FHOD3: variants seen among roughly 807,000 people sequenced by gnomAD.
The protein encoded by FHOD3 is formin homology 2 domain containing 3, also known as FH1/FH2 domain-containing protein 3.
In FHOD3, 90 loss-of-function variants were observed where a neutral mutation model predicts 173.0. That is an observed-to-expected ratio of 0.52 (90% CI 0.44 to 0.62). FHOD3 has a LOEUF of 0.62. Among genes scored for constraint, FHOD3 ranks in the 20% least tolerant of loss-of-function variants. The pLI, the probability that FHOD3 is intolerant of heterozygous loss-of-function variation, is 0.00. For synonymous variants in FHOD3, 828 were observed against 823.0 expected, an observed-to-expected ratio of 1.01 and a Z score of -0.10; for missense variants, 1,945 against 2,034.7, an observed-to-expected ratio of 0.96 and a Z score of 0.85.
intron 1 of FHOD3, among the ~76,000 whole-genome samples, chr18:36,351,420 T>C (rs2046122992): frequency 6.6e-6 from 1 of 152,176 alleles, no homozygotes; most frequent in African/African-American, 2.4e-5. Flanking sequence ...GCAGAAGGGA[T>C]ATAACTGAGG....
rs554363494 is a variant in FHOD3, at chr18:36,481,844, G to A, written c.338-20088G>A. On this transcript the variant is annotated intron_variant, in intron 3 of 28. Coordinates refer to ENST00000590592, the MANE Select transcript of FHOD3 (RefSeq NM_001281740.3). ...AAAAAGTCTTTGCACTATTGAATCA[G>A]AGGCAGTCTTTCTGAAACTGTGACT... Among the ~76,000 whole-genome samples, 7 of 152,254 alleles carry A rather than the reference G, an allele frequency of 4.6e-5. 1 individual carries two copies. The South Asian group carries it at 1.5e-3, about 32-fold the overall frequency.
chr18:36,612,046 A>C lies in FHOD3; in HGVS notation c.908A>C (p.Asn303Thr). Residue 303 changes from asparagine (N) to threonine (T), a missense_variant, in exon 9 of 29, where the codon AAC becomes ACC. Physicochemically the swap from Asn to Thr is moderately conservative, Grantham distance 65. Around this residue, in one of 5 missense-constraint regions of FHOD3, gnomAD observed 1,099 missense variants for 1,051.2 expected, o/e 1.05. Transcript: ENST00000590592. ...GIAAVSQRHL[N>T]KKGTDLDLVE... Reference sequence around the variant, plus strand: ...GCTGCTGTGTCCCAGAGGCACTTGAACAAGAAAGGGACTGACCTGGACTTA... The same window carrying C: ...GCTGCTGTGTCCCAGAGGCACTTGACCAAGAAAGGGACTGACCTGGACTTA... 6.2e-7 allele frequency: 1 copy of C among 1,614,164 alleles called. No homozygotes were observed. Among genetic ancestry groups the C allele is most frequent in the South Asian group, 1.1e-5 (1 of 91,080 alleles).
At chr18:36,531,781 C>T (rs188103743) in intron 5 of FHOD3, among the ~76,000 whole-genome samples, 26 of 152,330 alleles carry the variant, frequency 1.7e-4, no homozygotes, top group African/African-American at 2.4e-5. Context: ...CCACGTCTTC[C>T]GCTGTCTACA....
intron 7 of FHOD3, among the ~76,000 whole-genome samples, chr18:36,599,776 G>C (rs2031072359): frequency 6.6e-6 from 1 of 151,976 alleles, no homozygotes; most frequent in African/African-American, 2.4e-5. Context: ...GGGTAAACTG[G>C]GTATCTCCAC....
intron 3 of FHOD3, among the ~76,000 whole-genome samples, chr18:36,393,828 C>T (rs747092555): frequency 6.6e-6 from 1 of 152,170 alleles, no homozygotes; most frequent in Non-Finnish European, 1.5e-5. Flanking sequence ...GGGTCCCAAA[C>T]TTCAGAAAAC....
intron 17 of FHOD3, among the ~76,000 whole-genome samples, chr18:36,699,478 A>G (rs1478880914): frequency 6.6e-6 from 1 of 152,204 alleles, no homozygotes; most frequent in African/African-American, 2.4e-5. Flanking sequence ...AGGAGGCTCC[A>G]CATGTCAGGA....
intron 1 of FHOD3, among the ~76,000 whole-genome samples, chr18:36,339,392 C>T (rs1004309329): frequency 2.0e-5 from 3 of 152,210 alleles, no homozygotes; most frequent in African/African-American, 7.2e-5. Context: ...GGACCGACTC[C>T]ATGGGTGTGT....
chr18:36,460,952 C>A (rs958440654), intron 3 of FHOD3, among the ~76,000 whole-genome samples: 4 of 152,152 alleles, frequency 2.6e-5, no homozygotes, highest in African/African-American at 9.7e-5. Context: ...CTGGGCATAG[C>A]AGATGAAAGT....
chr18:36,715,227 C>A (rs9652997), intron 18 of FHOD3, among the ~76,000 whole-genome samples: 33,031 of 152,102 alleles, frequency 0.22, 4,280 homozygotes, highest in African/African-American at 0.36. Flanking sequence ...GAATCATGGG[C>A]GTGGTTTCCC....
intron 3 of FHOD3, among the ~76,000 whole-genome samples, chr18:36,467,368 C>G (rs1218249031): frequency 6.6e-6 from 1 of 152,214 alleles, no homozygotes; most frequent in African/African-American, 2.4e-5. Flanking sequence ...AGTGTCCTCT[C>G]CTTCCAACCC....
intron 10 of FHOD3, among the ~76,000 whole-genome samples, chr18:36,629,834 C>T (rs1320552218): frequency 2.0e-5 from 3 of 151,976 alleles, no homozygotes; most frequent in African/African-American, 7.3e-5. Context: ...TCCCAGTGGT[C>T]CCTTCGGGCA....
At chr18:36,675,684 T>C (rs2037811397) in intron 14 of FHOD3, among the ~76,000 whole-genome samples, 1 of 152,138 alleles carries the variant, frequency 6.6e-6, no homozygotes, top group African/African-American at 2.4e-5. Context: ...GAGAATAGGC[T>C]GGGGGTCTGG....
chr18:36,608,613 G>T (rs1004581781), intron 8 of FHOD3, among the ~76,000 whole-genome samples: 1 of 152,114 alleles, frequency 6.6e-6, no homozygotes, highest in Non-Finnish European at 1.5e-5. Flanking sequence ...TACAGACTAA[G>T]AATAGCATAG....
At chr18:36,578,477 G>A (rs971557088) in intron 6 of FHOD3, among the ~76,000 whole-genome samples, 3 of 152,190 alleles carry the variant, frequency 2.0e-5, no homozygotes, top group Non-Finnish European at 2.9e-5. Flanking sequence ...TTTGGGTGGG[G>A]ACAGAGAACC....
intron 28 of FHOD3, chr18:36,778,861 T>C (rs2043887425): frequency 6.6e-6 from 1 of 152,378 alleles, no homozygotes; most frequent in South Asian, 2.1e-4. Flanking sequence ...CATGGAGAGA[T>C]TTGTCCTCAC....
intron 21 of FHOD3, among the ~76,000 whole-genome samples, chr18:36,742,198 G>T (rs2041935859): frequency 6.6e-6 from 1 of 152,134 alleles, no homozygotes; most frequent in African/African-American, 2.4e-5. Context: ...AGGCTACAGA[G>T]CAGGCTGGAG....
chr18:36,605,166 A>C (rs2031916561), intron 8 of FHOD3, among the ~76,000 whole-genome samples: 1 of 152,212 alleles, frequency 6.6e-6, no homozygotes, highest in African/African-American at 2.4e-5. Context: ...TTGGTTTCTA[A>C]GGATTAAAGT....
At chr18:36,675,809 G>A (rs1401336451) in intron 14 of FHOD3, among the ~76,000 whole-genome samples, 1 of 152,152 alleles carries the variant, frequency 6.6e-6, no homozygotes, top group Non-Finnish European at 1.5e-5. Context: ...AGAGATGAAT[G>A]AGAAAATAGG....
intron 14 of FHOD3, among the ~76,000 whole-genome samples, chr18:36,666,217 C>T (rs1046207419): frequency 2.0e-5 from 3 of 152,226 alleles, no homozygotes; most frequent in Non-Finnish European, 2.9e-5. Context: ...GTGTGTGCAA[C>T]AGGCTGGAGA....
Sources: gnomAD v4.1 joint callset for allele counts (sites outside exome capture counted in the v4.1 genomes callset) on GRCh38, gnomAD v4.1.1 for gene constraint, gnomAD v4.1.1 regional missense constraint, MANE v1.5 for transcripts, NCBI Gene and HGNC (gene_info 2026-07-23, HGNC 2026-07-21) for gene names.